PRKCH: variants seen among roughly 807,000 people sequenced by gnomAD.
PRKCH encodes the protein protein kinase C eta, also known as protein kinase C eta type.
PRKCH carries 28 observed loss-of-function variants against 82.5 expected under a neutral mutation model. The observed-to-expected ratio is 0.34, with a 90% CI of 0.25 to 0.47. The LOEUF (loss-of-function observed/expected upper bound fraction) is 0.47. Ranked by LOEUF, PRKCH falls within the 20% of genes least tolerant of loss-of-function variation. The probability of loss-of-function intolerance (pLI) is 1.00; values close to 1 mark genes in which losing one functional copy is unlikely to be tolerated. For missense variants in PRKCH, 705 were observed against 881.8 expected, an observed-to-expected ratio of 0.80 and a Z score of 2.54; for synonymous variants, 322 against 327.4, an observed-to-expected ratio of 0.98 and a Z score of 0.18.
intron 12 of PRKCH, chr14:61,543,824 G>C (rs986297366): frequency 2.0e-5 from 3 of 152,390 alleles, no homozygotes; most frequent in African/African-American, 7.2e-5. Context: ...AGAGAGTTTA[G>C]GGAAAGGCCT....
chr14:61,529,488 A>G (rs576447864), intron 11 of PRKCH, among the ~76,000 whole-genome samples: 117 of 152,014 alleles, frequency 7.7e-4, no homozygotes, highest in African/African-American at 2.8e-3. Context: ...CACAATAGCA[A>G]AGACTTGGAA....
chr14:61,362,327 T>C (rs556349826), intron 1 of PRKCH, among the ~76,000 whole-genome samples: 1 of 115,848 alleles, frequency 8.6e-6, no homozygotes, highest in South Asian at 2.6e-4. Context: ...GGCGACAGAG[T>C]GGCATCTTGT....
At chr14:61,367,093 T>A (rs2046306560) in intron 1 of PRKCH, among the ~76,000 whole-genome samples, 1 of 152,102 alleles carries the variant, frequency 6.6e-6, no homozygotes, top group Admixed American at 6.5e-5. Flanking sequence ...GCAGGACTTT[T>A]TCTTACTTTG....
At chr14:61,431,005 C>T (rs546599936) in intron 2 of PRKCH, among the ~76,000 whole-genome samples, 2 of 152,324 alleles carry the variant, frequency 1.3e-5, no homozygotes, top group Non-Finnish European at 2.9e-5. Context: ...CCGCCCGCCT[C>T]GGCCTCCCAA....
chr14:61,462,426 T>G (rs1885067107), intron 9 of PRKCH, among the ~76,000 whole-genome samples: 1 of 152,208 alleles, frequency 6.6e-6, no homozygotes, highest in Non-Finnish European at 1.5e-5. Flanking sequence ...AAGGAGATTT[T>G]CTAATGCTGA....
At chr14:61,288,295 C>G (rs142372927) in intron 1 of PRKCH, among the ~76,000 whole-genome samples, 220 of 152,266 alleles carry the variant, frequency 1.4e-3, no homozygotes, top group African/African-American at 5.2e-3. Flanking sequence ...GAGTCTAGCT[C>G]TGTTGCCCAG....
intron 1 of PRKCH, among the ~76,000 whole-genome samples, chr14:61,234,320 G>T (rs141031779): frequency 2.0e-5 from 3 of 152,262 alleles, no homozygotes; most frequent in Non-Finnish European, 1.5e-5. Context: ...ATTAGGTAAG[G>T]GGGGGAAATT....
At chr14:61,267,828 CGTTAT>C (rs2140084074) in intron 1 of PRKCH, among the ~76,000 whole-genome samples, 1 of 152,078 alleles carries the variant, frequency 6.6e-6, no homozygotes, top group East Asian at 1.9e-4. Flanking sequence ...TGCACCATTA[CGTTAT>C]GTACCACTAA....
At chr14:61,389,493 C>T (rs1364967814) in intron 1 of PRKCH, among the ~76,000 whole-genome samples, 1 of 152,048 alleles carries the variant, frequency 6.6e-6, no homozygotes, top group Non-Finnish European at 1.5e-5. Flanking sequence ...GAGTTTGAGA[C>T]TGGGCAACAT....
At chr14:61,418,700 AATAG>A (rs1170056227) in intron 2 of PRKCH, among the ~76,000 whole-genome samples, 3 of 152,166 alleles carry the variant, frequency 2.0e-5, no homozygotes, top group Non-Finnish European at 4.4e-5. Flanking sequence ...GGAATTAGTA[AATAG>A]ATAGTTCAAC....
intron 1 of PRKCH, among the ~76,000 whole-genome samples, chr14:61,313,954 G>C (rs531225865): frequency 6.6e-6 from 1 of 152,110 alleles, no homozygotes; most frequent in African/African-American, 2.4e-5. Context: ...GAGTAGCTGG[G>C]ACCATAGGCA....
At chr14:61,304,189 C>A (rs1261393364) in intron 1 of PRKCH, 2 of 67,600 alleles carry the variant, frequency 3.0e-5, no homozygotes, top group Non-Finnish European at 6.8e-5. Flanking sequence ...AAAAGCATTG[C>A]TTAAAATAAA....
chr14:61,493,351 A>T (rs1886535983), intron 10 of PRKCH, among the ~76,000 whole-genome samples: 2 of 152,204 alleles, frequency 1.3e-5, no homozygotes, highest in Admixed American at 6.5e-5. Context: ...TCTAGGAATC[A>T]TCTCTCTATT....
At chr14:61,396,805 A>T (rs2046790984) in intron 2 of PRKCH, among the ~76,000 whole-genome samples, 1 of 151,790 alleles carries the variant, frequency 6.6e-6, no homozygotes, top group South Asian at 2.1e-4. Flanking sequence ...GGATGGGGGG[A>T]TGTGGCCAGA....
intron 1 of PRKCH, among the ~76,000 whole-genome samples, chr14:61,266,011 C>G (rs1035186471): frequency 2.0e-5 from 3 of 152,250 alleles, no homozygotes; most frequent in Non-Finnish European, 4.4e-5. Context: ...AGGAGAATCA[C>G]TTGAACCTGG....
At chr14:61,202,469 TC>T (rs1159675887) in intron 1 of PRKCH, among the ~76,000 whole-genome samples, 1 of 152,126 alleles carries the variant, frequency 6.6e-6, no homozygotes, top group Non-Finnish European at 1.5e-5. Flanking sequence ...AGGTATTGTC[TC>T]CTGTACATAT....
intron 1 of PRKCH, among the ~76,000 whole-genome samples, chr14:61,293,823 A>G: frequency 6.6e-6 from 1 of 152,182 alleles, no homozygotes; most frequent in South Asian, 2.1e-4. Flanking sequence ...TACTTCTCCA[A>G]GGAAAATCTT....
In PRKCH at chr14:61,437,316, C is replaced by G. The variant is rs1017870187; in HGVS notation, c.428-5795C>G. On this transcript the variant is annotated intron_variant, in intron 2 of 13. Transcript: ENST00000332981. ...ATGTTAAGCAAAATTCTGTTGCTAC[C>G]TTACCTCATTACCTTCCCGGGATAT... is the stretch of plus-strand genomic sequence containing the variant. Among the ~76,000 whole-genome samples, 3 of 152,042 alleles carry G rather than the reference C, an allele frequency of 2.0e-5. No homozygotes were observed. In the South Asian group the frequency reaches 6.2e-4, roughly 32 times the overall value.
intron 2 of PRKCH, among the ~76,000 whole-genome samples, chr14:61,395,290 G>GCGCC (rs1555383073): frequency 4.0e-4 from 50 of 124,258 alleles, no homozygotes; most frequent in Non-Finnish European, 6.6e-4. Context: ...AGGAAATGGA[G>GCGCC]CCCCCCCCCG....
Sources: allele counts gnomAD v4.1 joint callset (sites outside exome capture counted in the v4.1 genomes callset), GRCh38; gene constraint gnomAD v4.1.1; transcripts MANE v1.5; gene names NCBI Gene and HGNC (gene_info 2026-07-23, HGNC 2026-07-21).